Variants in OTUD7A observed in about 807,000 individuals in gnomAD.
The protein encoded by OTUD7A is OTU deubiquitinase 7A.
Under a neutral mutation model 65.7 loss-of-function variants are expected in OTUD7A, and 12 were observed. The ratio of observed to expected loss-of-function variants is 0.18; its 90% CI spans 0.12 to 0.30. OTUD7A has a LOEUF of 0.30. Among genes scored for constraint, OTUD7A ranks in the 10% least tolerant of loss-of-function variants. The pLI is 1.00. For missense variants in OTUD7A, 1,148 were observed against 1,304.8 expected, an observed-to-expected ratio of 0.88 and a Z score of 1.85; for synonymous variants, 641 against 586.3, an observed-to-expected ratio of 1.09 and a Z score of -1.35.
intron 1 of OTUD7A, among the ~76,000 whole-genome samples, chr15:31,784,115 A>G (rs1203394956): frequency 1.3e-5 from 2 of 152,232 alleles, no homozygotes; most frequent in African/African-American, 4.8e-5. Context: ...ATCATGTTAC[A>G]GATCATATGT....
chr15:31,785,582 G>A (rs965009915), intron 1 of OTUD7A, among the ~76,000 whole-genome samples: 2 of 152,150 alleles, frequency 1.3e-5, no homozygotes, highest in African/African-American at 4.8e-5. Flanking sequence ...AGCTACTGGT[G>A]AAGATGGCAG....
intron 1 of OTUD7A, among the ~76,000 whole-genome samples, chr15:31,674,911 G>A (rs1198836506): frequency 6.6e-6 from 1 of 152,132 alleles, no homozygotes; most frequent in African/African-American, 2.4e-5. Flanking sequence ...AGCTATTTCC[G>A]ATGGTATCAT....
At chr15:31,662,590 G>C (rs1474832031) in intron 1 of OTUD7A, among the ~76,000 whole-genome samples, 1 of 152,074 alleles carries the variant, frequency 6.6e-6, no homozygotes, top group Non-Finnish European at 1.5e-5. Context: ...TACTGTTCCG[G>C]ATCTAGAATT....
intron 3 of OTUD7A, among the ~76,000 whole-genome samples, chr15:31,650,081 G>A (rs964455582): frequency 3.7e-5 from 4 of 108,898 alleles, no homozygotes; most frequent in Non-Finnish European, 7.0e-5. Flanking sequence ...TCTTCTCTGT[G>A]CCCCAGACCT....
At chr15:31,585,570 T>C (rs1419508724) in intron 3 of OTUD7A, among the ~76,000 whole-genome samples, 4 of 152,186 alleles carry the variant, frequency 2.6e-5, no homozygotes, top group East Asian at 1.9e-4. Flanking sequence ...GGTTGAGAGC[T>C]TGACCTTTGA....
At chr15:31,715,704 CT>C (rs1223697823) in intron 1 of OTUD7A, among the ~76,000 whole-genome samples, 5 of 116,588 alleles carry the variant, frequency 4.3e-5, no homozygotes, top group Non-Finnish European at 9.3e-5. Context: ...TCAGGGGATG[CT>C]GCAGCCACTC....
intron 3 of OTUD7A, among the ~76,000 whole-genome samples, chr15:31,610,615 A>AT (rs1336235314): frequency 0.033 from 1,061 of 32,596 alleles, 24 homozygotes; most frequent in South Asian, 0.093. Context: ...ATATATATAT[A>AT]TATTTTTTTT....
At position 31,602,682 on chromosome 15, in the gene OTUD7A, C is replaced by T. The variant is rs138548477; in HGVS notation, c.152-32485G>A. Among the ~76,000 whole-genome samples the T allele has an allele frequency of 1.3e-3, 194 of 152,268 alleles. 1 individual carries two copies. Among genetic ancestry groups the T allele is most frequent in the African/African-American group, 4.6e-3 (191 of 41,546 alleles). ...TCAAATTGTCTCTGTTTGTAGATAA[C>T]ATGATTGTATATTTAGAAAACCCCA... On this transcript the variant is annotated intron_variant, in intron 3 of 12. Coordinates refer to ENST00000307050, the MANE Select transcript of OTUD7A (RefSeq NM_001382637.1).
chr15:31,484,473 G>C lies in OTUD7A; in HGVS notation c.1623C>G (p.Gly541=). The part of the protein sequence containing the change: ...LGIKLKKNMG[G]LGGLVHGKMG... Reference sequence around the variant, plus strand: ...TCTTGCCGTGCACCAGGCCGCCGAGGCCGCCCATGTTTTTCTTCAGCTTGA... The same window carrying C: ...TCTTGCCGTGCACCAGGCCGCCGAGCCCGCCCATGTTTTTCTTCAGCTTGA... The change falls in exon 13 of 13, where the codon GGC becomes GGG. Residue 541 remains glycine, a synonymous_variant. Transcript: ENST00000307050. The surrounding 1 kb of genome is among the most constrained non-coding windows in gnomAD (Gnocchi z 4.5). The C allele has an allele frequency of 6.2e-7, 1 of 1,606,604 alleles. No individual in the cohort carries two copies. Among genetic ancestry groups the C allele is most frequent in the Non-Finnish European group, 8.5e-7 (1 of 1,179,938 alleles).
At chr15:31,554,842 A>G (rs1263642057) in intron 5 of OTUD7A, among the ~76,000 whole-genome samples, 1 of 152,304 alleles carries the variant, frequency 6.6e-6, no homozygotes. Context: ...TCTCAATGGC[A>G]GGCTAGTCAT....
At chr15:31,542,078 C>A (rs1279993434) in intron 5 of OTUD7A, among the ~76,000 whole-genome samples, 1 of 151,940 alleles carries the variant, frequency 6.6e-6, no homozygotes, top group Non-Finnish European at 1.5e-5. Flanking sequence ...AACAAACAAA[C>A]AAAAACAATC....
chr15:31,781,776 C>T (rs895033824), intron 1 of OTUD7A, among the ~76,000 whole-genome samples: 40 of 152,224 alleles, frequency 2.6e-4, no homozygotes, highest in African/African-American at 9.4e-4. Context: ...TTCAGGGACA[C>T]TTTCACTGCT....
chr15:31,798,063 T>C (rs922439961), intron 1 of OTUD7A, among the ~76,000 whole-genome samples: 1 of 152,144 alleles, frequency 6.6e-6, no homozygotes, highest in Admixed American at 6.5e-5. Context: ...TGATATCTTC[T>C]TATAAAGACA....
At chr15:31,781,122 C>CTA (rs1351324979) in intron 1 of OTUD7A, among the ~76,000 whole-genome samples, 3 of 152,122 alleles carry the variant, frequency 2.0e-5, no homozygotes, top group Admixed American at 2.0e-4. Flanking sequence ...GTTCTGTGAC[C>CTA]TATGCCCTTG....
At chr15:31,565,140 G>A (rs1383120461) in intron 4 of OTUD7A, among the ~76,000 whole-genome samples, 1 of 152,150 alleles carries the variant, frequency 6.6e-6, no homozygotes, top group African/African-American at 2.4e-5. Context: ...ATAAACAGTT[G>A]AGAATAATCC....
chr15:31,769,448 A>G (rs1369918467), intron 1 of OTUD7A, among the ~76,000 whole-genome samples: 2 of 152,228 alleles, frequency 1.3e-5, no homozygotes, highest in Non-Finnish European at 2.9e-5. Context: ...TGACACAGCA[A>G]TCTCATTCAT....
At chr15:31,650,764 ACT>A (rs1891810862) in intron 3 of OTUD7A, among the ~76,000 whole-genome samples, 1 of 137,526 alleles carries the variant, frequency 7.3e-6, no homozygotes, top group African/African-American at 2.9e-5. Flanking sequence ...GCCAACAGCT[ACT>A]CTGAGATGAA....
intron 9 of OTUD7A, among the ~76,000 whole-genome samples, chr15:31,502,963 T>C (rs976904072): frequency 3.9e-5 from 6 of 152,220 alleles, no homozygotes; most frequent in Non-Finnish European, 8.8e-5. Flanking sequence ...GGAAGACCTA[T>C]GACTTTTGTT....
chr15:31,577,986 A>G (rs1442931189), intron 3 of OTUD7A, among the ~76,000 whole-genome samples: 1 of 152,208 alleles, frequency 6.6e-6, no homozygotes, highest in African/African-American at 2.4e-5. Context: ...CATGAACTCT[A>G]CTGCCTCAAT....
Sources: allele counts gnomAD v4.1 joint callset (sites outside exome capture counted in the v4.1 genomes callset), GRCh38; gene constraint gnomAD v4.1.1; non-coding constraint Gnocchi (gnomAD v3.1); transcripts MANE v1.5; gene names NCBI Gene and HGNC (gene_info 2026-07-23, HGNC 2026-07-21).